The following RASAL2 variants were observed in gnomAD, a reference collection of about 807,000 sequenced individuals.
RASAL2 encodes ras GTPase-activating protein nGAP.
Under a neutral mutation model 128.9 loss-of-function variants are expected in RASAL2, and 58 were observed. That is an observed-to-expected ratio of 0.45 (90% CI 0.36 to 0.56). The LOEUF (loss-of-function observed/expected upper bound fraction) is 0.56. Ranked by LOEUF, RASAL2 falls within the 20% of genes least tolerant of loss-of-function variation. The probability of loss-of-function intolerance (pLI) is 0.00; values close to 1 mark genes in which losing one functional copy is unlikely to be tolerated. For missense variants in RASAL2, 1,360 were observed against 1,601.6 expected (o/e 0.85, Z 2.57); for synonymous variants, 561 against 580.8 (o/e 0.97, Z 0.49).
At chr1:178,227,800 G>A (rs1295225393) in intron 1 of RASAL2, among the ~76,000 whole-genome samples, 4 of 152,192 alleles carry the variant, frequency 2.6e-5, no homozygotes, top group Non-Finnish European at 4.4e-5. Flanking sequence ...AGTAGTTGCT[G>A]TTGGAAGTGG....
At position 178,442,922 on chromosome 1, in the gene RASAL2, A is replaced by G; in HGVS notation, c.1175A>G (p.Asn392Ser). ...GAAAAAAAGAAAAAAAAGGACAAGA[A>G]TAATTATGTAGGGCTAGTCAACATC... ...DVEKKKKKDKNNYVGLVNIPT... is the reference protein window; with the variant it reads ...DVEKKKKKDKSNYVGLVNIPT... Residue 392 changes from asparagine (N) to serine (S), a missense_variant, in exon 8 of 18, where the codon AAT (asparagine) becomes AGT (serine). Coordinates refer to ENST00000367649, the MANE Select transcript of RASAL2 (RefSeq NM_170692.4). The G allele has an allele frequency of 6.2e-7, 1 of 1,614,002 alleles. No individual in the cohort carries two copies. The highest frequency in any genetic ancestry group is 1.1e-5 in the South Asian group (1 of 91,074).
chr1:178,305,183 T>TG (rs1392873941), intron 3 of RASAL2, among the ~76,000 whole-genome samples: 1 of 152,198 alleles, frequency 6.6e-6, no homozygotes, highest in Non-Finnish European at 1.5e-5. Flanking sequence ...TTCATGTTCA[T>TG]GGGTTGGAAG....
At chr1:178,114,909 T>C in intron 1 of RASAL2, among the ~76,000 whole-genome samples, 1 of 152,230 alleles carries the variant, frequency 6.6e-6, no homozygotes, top group Non-Finnish European at 1.5e-5. Context: ...GTTGATTTGA[T>C]TTGCTAAAAT....
chr1:178,461,883 G>T (rs951281279), intron 14 of RASAL2, among the ~76,000 whole-genome samples: 2 of 152,192 alleles, frequency 1.3e-5, no homozygotes, highest in African/African-American at 4.8e-5. Flanking sequence ...AAGGAACGAG[G>T]AACTGGCCTC....
intron 3 of RASAL2, among the ~76,000 whole-genome samples, chr1:178,324,357 C>T (rs1333624255): frequency 6.6e-6 from 1 of 151,488 alleles, no homozygotes; most frequent in African/African-American, 2.4e-5. Context: ...GATTTTGAGG[C>T]TGCAGATCAC....
Position 178,467,341 on chromosome 1 carries a change from G to A in RASAL2, c.3598G>A (p.Ala1200Thr). 6.2e-7 allele frequency: 1 copy of A among 1,613,714 alleles called. No individual in the cohort carries two copies. The highest frequency in any genetic ancestry group is 8.5e-7 in the Non-Finnish European group (1 of 1,179,614). The part of the protein sequence containing the change: ...QMKSIISRLM[A>T]VEEELKKDHA... Reference sequence around the variant, plus strand: ...CTTCCTGCCACATTCTAGGCTAATGGCTGTGGAAGAGGAACTGAAGAAGGA... The same window carrying A: ...CTTCCTGCCACATTCTAGGCTAATGACTGTGGAAGAGGAACTGAAGAAGGA... Residue 1200 changes from alanine (A) to threonine (T), a missense_variant, in exon 17 of 18, where the codon GCT becomes ACT. Physicochemically the swap from Ala to Thr is moderately conservative, Grantham distance 58. Transcript: ENST00000367649.
At chr1:178,223,088 T>C (rs1272071922) in intron 1 of RASAL2, among the ~76,000 whole-genome samples, 1 of 152,182 alleles carries the variant, frequency 6.6e-6, no homozygotes, top group African/African-American at 2.4e-5. Flanking sequence ...ATTACTAGTC[T>C]GAAGTTAGGT....
In RASAL2 at chr1:178,212,776, C is replaced by T. The variant is rs977437436; in HGVS notation, c.203-70788C>T. 5.9e-5 allele frequency among the ~76,000 whole-genome samples: 9 copies of T among 152,322 alleles called. No homozygotes were observed. In the South Asian group the frequency reaches 1.2e-3, roughly 21 times the overall value. On this transcript the variant is annotated intron_variant, in intron 1 of 17. Coordinates refer to ENST00000367649, the MANE Select transcript of RASAL2 (RefSeq NM_170692.4). ...AAAGTGTTGGGATTACAGGCATGAGCCATGAGCCGCCGTGCCCGGCCACTT... is the reference window on the plus strand; with the variant it reads ...AAAGTGTTGGGATTACAGGCATGAGTCATGAGCCGCCGTGCCCGGCCACTT...
chr1:178,233,495 TC>T (rs1242273583), intron 1 of RASAL2, among the ~76,000 whole-genome samples: 4 of 152,138 alleles, frequency 2.6e-5, no homozygotes, highest in Admixed American at 2.0e-4. Context: ...GGCAGAGACA[TC>T]CGAGTTTTAG....
At chr1:178,187,584 G>C (rs989470922) in intron 1 of RASAL2, among the ~76,000 whole-genome samples, 9 of 152,194 alleles carry the variant, frequency 5.9e-5, no homozygotes, top group African/African-American at 2.2e-4. Flanking sequence ...CTGAAAAAAA[G>C]TTCACAAAAG....
intron 1 of RASAL2, among the ~76,000 whole-genome samples, chr1:178,126,076 CAT>C (rs1280707419): frequency 6.6e-6 from 1 of 152,174 alleles, no homozygotes. Context: ...TTACAGCAGT[CAT>C]ATGCTCTTAC....
At chr1:178,429,797 C>G (rs936153144) in intron 5 of RASAL2, among the ~76,000 whole-genome samples, 7 of 152,106 alleles carry the variant, frequency 4.6e-5, no homozygotes, top group Non-Finnish European at 8.8e-5. Flanking sequence ...ACTGTCTCCT[C>G]TAACCCAAAT....
intron 3 of RASAL2, among the ~76,000 whole-genome samples, chr1:178,337,904 G>T (rs935503733): frequency 1.3e-5 from 2 of 151,614 alleles, no homozygotes; most frequent in East Asian, 3.9e-4. Flanking sequence ...GCTAATTTTT[G>T]TATTTTCAGT....
In RASAL2 at chr1:178,283,710, A is replaced by G. The variant is rs773521862; in HGVS notation, c.330+19A>G. 8.7e-6 allele frequency: 14 copies of G among 1,607,140 alleles called. No individual in the cohort carries two copies. The African/African-American group carries it at 1.6e-4, about 18-fold the overall frequency. On this transcript the variant is annotated intron_variant, in intron 2 of 17. Coordinates refer to ENST00000367649, the MANE Select transcript of RASAL2 (RefSeq NM_170692.4). ...GAAGGAGGTGAGATGGATATTATTC[A>G]GGAAAGTTAGTTTCCTTTTCTGAGT...
chr1:178,245,135 C>G (rs1380078317), intron 1 of RASAL2, among the ~76,000 whole-genome samples: 1 of 152,160 alleles, frequency 6.6e-6, no homozygotes, highest in African/African-American at 2.4e-5. Flanking sequence ...GGTTCTAGAT[C>G]CTTGAGGAAT....
At chr1:178,128,380 G>C (rs451341) in intron 1 of RASAL2, among the ~76,000 whole-genome samples, 1 of 151,866 alleles carries the variant, frequency 6.6e-6, no homozygotes, top group Admixed American at 6.6e-5. Flanking sequence ...GTGATATGAA[G>C]GTAATAATAG....
intron 5 of RASAL2, among the ~76,000 whole-genome samples, chr1:178,430,614 A>T (rs1161589386): frequency 6.6e-6 from 1 of 152,096 alleles, no homozygotes; most frequent in Non-Finnish European, 1.5e-5. Context: ...TATGAAATAG[A>T]TGTGAAATTA....
In RASAL2 at chr1:178,474,329, G is replaced by T. The variant is rs930443963; in HGVS notation, c.*1090G>T. 1 of 152,528 alleles carries T rather than the reference G, an allele frequency of 6.6e-6. No individual in the cohort carries two copies. Among genetic ancestry groups the T allele is most frequent in the Non-Finnish European group, 1.5e-5 (1 of 68,024 alleles). 9.4% of individuals were successfully genotyped at this position (152,528 alleles called of 1,614,324 possible). ...GTTTGGGATAAAGACTCTATCCATTGTACTAGCAAATCTATGGGGGGTAAT... is the reference window on the plus strand; with the variant it reads ...GTTTGGGATAAAGACTCTATCCATTTTACTAGCAAATCTATGGGGGGTAAT... On this transcript the variant is annotated 3_prime_UTR_variant, in exon 18 of 18. Transcript: ENST00000367649.
At chr1:178,310,310 A>G (rs2102299846) in intron 3 of RASAL2, among the ~76,000 whole-genome samples, 1 of 152,320 alleles carries the variant, frequency 6.6e-6, no homozygotes, top group South Asian at 2.1e-4. Flanking sequence ...ATATTATAAC[A>G]GAACTGACCT....
Sources: gnomAD v4.1 joint callset for allele counts (sites outside exome capture counted in the v4.1 genomes callset) on GRCh38, gnomAD v4.1.1 for gene constraint, MANE v1.5 for transcripts, NCBI Gene and HGNC (gene_info 2026-07-23, HGNC 2026-07-21) for gene names.